The following RHOBTB1 variants were observed in gnomAD, a reference collection of about 807,000 sequenced individuals.
The protein encoded by RHOBTB1 is Rho related BTB domain containing 1.
A neutral mutation model predicts 71.6 loss-of-function variants in RHOBTB1; 40 were observed. That is an observed-to-expected ratio of 0.56 (90% CI 0.43 to 0.73). RHOBTB1 has a LOEUF of 0.73. Among genes scored for constraint, RHOBTB1 ranks in the 30% least tolerant of loss-of-function variants. RHOBTB1 has a pLI of 0.00. For synonymous variants in RHOBTB1, 319 were observed against 334.9 expected (o/e 0.95, Z 0.52); for missense variants, 797 against 894.0 (o/e 0.89, Z 1.38).
intron 2 of RHOBTB1, among the ~76,000 whole-genome samples, chr10:60,930,309 A>G (rs73266021): frequency 0.063 from 9,646 of 152,194 alleles, 539 homozygotes; most frequent in African/African-American, 0.15. Flanking sequence ...CCTTCCACGG[A>G]TTGTTGTGAA....
intron 5 of RHOBTB1, among the ~76,000 whole-genome samples, chr10:60,891,905 C>T (rs1564831048): frequency 6.6e-6 from 1 of 152,064 alleles, no homozygotes; most frequent in Admixed American, 6.6e-5. Context: ...GGCGGTTCCC[C>T]CATGCTATTC....
At chr10:60,998,715 C>G (rs1408246279) in intron 1 of RHOBTB1, among the ~76,000 whole-genome samples, 2 of 152,180 alleles carry the variant, frequency 1.3e-5, no homozygotes, top group African/African-American at 4.8e-5. Flanking sequence ...GGAACTGTCT[C>G]TTCTATCTCT....
chr10:60,955,292 C>A (rs945412913), intron 2 of RHOBTB1, among the ~76,000 whole-genome samples: 2 of 152,070 alleles, frequency 1.3e-5, no homozygotes, highest in Non-Finnish European at 2.9e-5. Flanking sequence ...CCGCCTGCTT[C>A]GGCCTCCCAA....
intron 2 of RHOBTB1, among the ~76,000 whole-genome samples, chr10:60,953,516 G>A (rs1018493305): frequency 2.6e-5 from 4 of 152,246 alleles, no homozygotes; most frequent in Middle Eastern, 3.4e-3. Flanking sequence ...ACCTCAATCC[G>A]AACAATTCCT....
intron 2 of RHOBTB1, among the ~76,000 whole-genome samples, chr10:60,933,515 T>C (rs997595335): frequency 1.3e-5 from 2 of 151,510 alleles, no homozygotes; most frequent in Non-Finnish European, 2.9e-5. Flanking sequence ...AGGTCAGGAG[T>C]TCGAGACCAG....
At chr10:60,899,533 T>A (rs1347789040) in intron 4 of RHOBTB1, among the ~76,000 whole-genome samples, 2 of 152,194 alleles carry the variant, frequency 1.3e-5, no homozygotes, top group Non-Finnish European at 2.9e-5. Context: ...ACCAGCACGA[T>A]CATTTGACCA....
chr10:61,001,947 C>T (rs943096398), upstream of RHOBTB1, among the ~76,000 whole-genome samples: 18 of 152,342 alleles, frequency 1.2e-4, no homozygotes, highest in African/African-American at 4.3e-4. Context: ...CAAGGGTCAG[C>T]CTTTTCTTAT....
At chr10:60,938,722 T>C (rs2084738798) in intron 2 of RHOBTB1, among the ~76,000 whole-genome samples, 1 of 152,120 alleles carries the variant, frequency 6.6e-6, no homozygotes, top group Non-Finnish European at 1.5e-5. Context: ...AAAGTGTTGT[T>C]TTTTTGGAGG....
intron 2 of RHOBTB1, among the ~76,000 whole-genome samples, chr10:60,914,861 G>A (rs61853332): frequency 0.13 from 20,166 of 152,162 alleles, 1,612 homozygotes; most frequent in Admixed American, 0.2. Context: ...CTAGCAGTCC[G>A]CTCCAGACCA....
chr10:60,946,624 G>C (rs1477244305), upstream of RHOBTB1, among the ~76,000 whole-genome samples: 1 of 152,154 alleles, frequency 6.6e-6, no homozygotes, highest in Admixed American at 6.5e-5. Context: ...TCACTGACCT[G>C]CTTTTTAACA....
chr10:60,899,627 C>T (rs944679033), intron 4 of RHOBTB1, among the ~76,000 whole-genome samples: 1 of 152,148 alleles, frequency 6.6e-6, no homozygotes, highest in African/African-American at 2.4e-5. Flanking sequence ...GTCACTTATC[C>T]AGTATTATTC....
intron 5 of RHOBTB1, 41 bp from the exon 6 acceptor site, chr10:60,889,226 T>C (rs775849997): frequency 2.6e-6 from 4 of 1,542,794 alleles, no homozygotes; most frequent in South Asian, 2.5e-5. Flanking sequence ...AGCCTTGTTT[T>C]AGGAAAAAAA....
rs1195909673 is a variant in RHOBTB1, at chr10:60,886,297, C to A, written c.1457-67G>T. The A allele has an allele frequency of 2.7e-6, 3 of 1,120,952 alleles. No homozygotes were observed. In the Admixed American group the frequency reaches 5.4e-5, roughly 20 times the overall value. 69.4% of individuals were successfully genotyped at this position (1,120,952 alleles called of 1,614,324 possible). On this transcript the variant is annotated intron_variant, in intron 6 of 10. Transcript: ENST00000337910. Reference sequence around the variant, plus strand: ...CTGAGAGCTTCAACCAAGGCTTCTGCTCCCATAGCCACCAAACTGCGACTC... The same window carrying A: ...CTGAGAGCTTCAACCAAGGCTTCTGATCCCATAGCCACCAAACTGCGACTC...
chr10:60,951,804 G>T (rs2085417695), intron 2 of RHOBTB1, among the ~76,000 whole-genome samples: 1 of 151,374 alleles, frequency 6.6e-6, no homozygotes, highest in Non-Finnish European at 1.5e-5. Flanking sequence ...GTTAATAATG[G>T]TAAATGATTT....
intron 2 of RHOBTB1, among the ~76,000 whole-genome samples, chr10:60,956,288 T>C (rs2085590810): frequency 6.6e-6 from 1 of 152,186 alleles, no homozygotes; most frequent in African/African-American, 2.4e-5. Flanking sequence ...TATGCCTGTA[T>C]AGGGCATTTA....
At position 60,877,989 on chromosome 10, in the gene RHOBTB1, A is replaced by C. The variant is rs748223686; in HGVS notation, c.1645T>G (p.Ser549Ala). Residue 549 changes from serine to alanine, a missense_variant, in exon 8 of 11, where the codon TCT becomes GCT. This residue lies in a region of RHOBTB1 where 658 missense variants were observed against 681.5 expected (regional missense o/e 0.97). Coordinates refer to ENST00000337910, the MANE Select transcript of RHOBTB1 (RefSeq NM_014836.5). ...VLDYLYTKQL[S>A]PNLDLDPLEL... is the part of the protein sequence containing the mutation. The stretch of plus-strand genomic sequence containing the variant: ...AGCGGGTCCAGATCCAAGTTAGGAG[A>C]CAACTGCTTGGTATAGAGATAATCC... 5 of 1,613,666 alleles carry C rather than the reference A, an allele frequency of 3.1e-6. No homozygotes were observed. The highest frequency in any genetic ancestry group is 3.4e-6 in the Non-Finnish European group (4 of 1,179,610).
chr10:60,880,086 T>C (rs752430118), intron 7 of RHOBTB1, among the ~76,000 whole-genome samples: 31 of 151,894 alleles, frequency 2.0e-4, no homozygotes, highest in Non-Finnish European at 3.2e-4. Context: ...ACGATGCCAT[T>C]TTATATGAGG....
chr10:60,957,327 T>G (rs2085628663), intron 2 of RHOBTB1, among the ~76,000 whole-genome samples: 1 of 152,246 alleles, frequency 6.6e-6, no homozygotes. Flanking sequence ...TACATTTGTT[T>G]ACAGCAGCAG....
chr10:60,949,001 G>C (rs1438197332), upstream of RHOBTB1, among the ~76,000 whole-genome samples: 1 of 152,226 alleles, frequency 6.6e-6, no homozygotes, highest in African/African-American at 2.4e-5. Context: ...AATGAGGTCA[G>C]TCTGGACAGC....
Sources: allele counts gnomAD v4.1 joint callset (sites outside exome capture counted in the v4.1 genomes callset), GRCh38; gene constraint gnomAD v4.1.1; regional missense constraint gnomAD v4.1.1; transcripts MANE v1.5; gene names NCBI Gene and HGNC (gene_info 2026-07-23, HGNC 2026-07-21).